Variants in CRABP1 observed in about 807,000 individuals in gnomAD.
CRABP1 encodes the protein cellular retinoic acid-binding protein 1.
Under a neutral mutation model 16.4 loss-of-function variants are expected in CRABP1, and 9 were observed. The observed-to-expected ratio is 0.55, with a 90% confidence interval of 0.33 to 0.96. The LOEUF is 0.96. Ranked by LOEUF, CRABP1 falls within the 40% of genes least tolerant of loss-of-function variation. The pLI, the probability that CRABP1 is intolerant of heterozygous loss-of-function variation, is 0.03. For synonymous variants in CRABP1, 72 were observed against 70.4 expected (o/e 1.02, Z -0.11); for missense variants, 157 against 186.0 (o/e 0.84, Z 0.91).
chr15:78,347,000 T>TG (rs2050269807), intron 3 of CRABP1, among the ~76,000 whole-genome samples: 2 of 150,542 alleles, frequency 1.3e-5, no homozygotes, highest in African/African-American at 4.9e-5. Flanking sequence ...TTTGTTTTTT[T>TG]TTTTTTTAAC....
chr15:78,341,170 C>T lies in CRABP1; in HGVS notation c.198C>T (p.Phe66=). 1 of 1,613,026 alleles carries T rather than the reference C, an allele frequency of 6.2e-7. No individual in the cohort carries two copies. The highest frequency in any genetic ancestry group is 8.5e-7 in the Non-Finnish European group (1 of 1,179,594). The change falls in exon 2 of 4, where the codon TTC becomes TTT. Residue 66 remains phenylalanine, a synonymous_variant. Transcript: ENST00000299529. The surrounding 1 kb of genome is among the most constrained non-coding windows in gnomAD (Gnocchi z 5.3). ...CGGTGCGCACCACTGAGATCAACTT[C>T]AAGGTCGGAGAAGGCTTTGAGGAGG... The part of the protein sequence containing the change: ...STTVRTTEIN[F]KVGEGFEEET...
At chr15:78,342,727 A>G (rs1595955269) in intron 2 of CRABP1, among the ~76,000 whole-genome samples, 1 of 152,198 alleles carries the variant, frequency 6.6e-6, no homozygotes, top group Non-Finnish European at 1.5e-5. Context: ...GCAGGGGTGC[A>G]CTAAATCTGA....
chr15:78,341,136 C>T lies in CRABP1; in HGVS notation c.164C>T (p.Thr55Ile). Residue 55 changes from threonine (T) to isoleucine (I), a missense_variant, in exon 2 of 4, where the codon ACA becomes ATA. Physicochemically the swap from Thr to Ile is moderately conservative, Grantham distance 89. Transcript: ENST00000299529. This position sits in a 1 kb window ranked among gnomAD's most constrained non-coding sequence, Gnocchi z 5.3. ...RQDGDQFYIK[T>I]STTVRTTEIN... Reference sequence around the variant, plus strand: ...GACGGGGATCAGTTCTACATCAAGACATCCACCACGGTGCGCACCACTGAG... The same window carrying T: ...GACGGGGATCAGTTCTACATCAAGATATCCACCACGGTGCGCACCACTGAG... 1 of 1,613,160 alleles carries T rather than the reference C, an allele frequency of 6.2e-7. No individual in the cohort carries two copies. Among genetic ancestry groups the T allele is most frequent in the East Asian group, 2.2e-5 (1 of 44,828 alleles).
intron 3 of CRABP1, among the ~76,000 whole-genome samples, chr15:78,347,226 C>G (rs1422814595): frequency 6.6e-6 from 1 of 152,088 alleles, no homozygotes; most frequent in Non-Finnish European, 1.5e-5. Context: ...CTGGAAGAGC[C>G]TTTGCGATGA....
chr15:78,346,739 C>T (rs1443293063), intron 3 of CRABP1, among the ~76,000 whole-genome samples: 1 of 152,202 alleles, frequency 6.6e-6, no homozygotes, highest in East Asian at 1.9e-4. Context: ...CCCTGAAGCA[C>T]ACGTGTCAGG....
chr15:78,344,577 T>C (rs958702402), intron 3 of CRABP1, among the ~76,000 whole-genome samples: 6 of 152,094 alleles, frequency 3.9e-5, no homozygotes, highest in African/African-American at 1.4e-4. Flanking sequence ...CTCCCCTTTT[T>C]TTAGGTAGAG....
chr15:78,341,310 C>G lies in CRABP1; in HGVS notation c.249+89C>G, dbSNP rs2050233003. ...CTGGAGGAACCTGTGTCTCCCTTTGCAGCCTGTGGCGCGCCTTCCTTGCAG... is the reference window on the plus strand; with the variant it reads ...CTGGAGGAACCTGTGTCTCCCTTTGGAGCCTGTGGCGCGCCTTCCTTGCAG... On this transcript the variant is annotated intron_variant, in intron 2 of 3. Coordinates refer to ENST00000299529, the MANE Select transcript of CRABP1 (RefSeq NM_004378.3). This position sits in a 1 kb window ranked among gnomAD's most constrained non-coding sequence, Gnocchi z 5.3. The G allele has an allele frequency of 1.4e-6, 2 of 1,452,932 alleles. No individual in the cohort carries two copies. The highest frequency in any genetic ancestry group is 9.5e-7 in the Non-Finnish European group (1 of 1,056,478). The allele number at this position is 1,452,932 out of a possible 1,614,324, so 90.0% of individuals were successfully genotyped here. A position where few individuals can be genotyped will look rare whatever the true frequency, so the allele number is the denominator to read the frequency against.
chr15:78,346,646 G>C (rs2050267186), intron 3 of CRABP1, among the ~76,000 whole-genome samples: 1 of 152,194 alleles, frequency 6.6e-6, no homozygotes, highest in Non-Finnish European at 1.5e-5. Flanking sequence ...TCCAGCCTGG[G>C]TGACAGAGTA....
chr15:78,341,294 C>T lies in CRABP1; in HGVS notation c.249+73C>T. On this transcript the variant is annotated intron_variant, in intron 2 of 3. Coordinates refer to ENST00000299529, the MANE Select transcript of CRABP1 (RefSeq NM_004378.3). The surrounding 1 kb of genome is among the most constrained non-coding windows in gnomAD (Gnocchi z 5.3). ...CCATGGCCCACTGCTGCTGGAGGAA[C>T]CTGTGTCTCCCTTTGCAGCCTGTGG... The T allele has an allele frequency of 6.6e-7, 1 of 1,515,636 alleles. No individual in the cohort carries two copies. The highest frequency in any genetic ancestry group is 1.2e-5 in the South Asian group (1 of 83,756). The allele number at this position is 1,515,636 out of a possible 1,614,324, so 93.9% of individuals were successfully genotyped here. A position where few individuals can be genotyped will look rare whatever the true frequency, so the allele number is the denominator to read the frequency against.
At chr15:78,346,639 A>G (rs2050267122) in intron 3 of CRABP1, among the ~76,000 whole-genome samples, 1 of 152,234 alleles carries the variant, frequency 6.6e-6, no homozygotes, top group Admixed American at 6.5e-5. Context: ...ATTGCACTCC[A>G]GCCTGGGTGA....
intron 1 of CRABP1, chr15:78,340,789 G>A: frequency 3.3e-6 from 2 of 601,406 alleles, no homozygotes; most frequent in Non-Finnish European, 5.9e-6. Context: ...TGGAGAGCAA[G>A]GAGGATCAGG....
chr15:78,343,674 C>A, intron 3 of CRABP1, 62 bp downstream of exon 3: 1 of 1,261,106 alleles, frequency 7.9e-7, no homozygotes, highest in East Asian at 2.4e-5. Context: ...CCAGATGGGC[C>A]CCACAAATAT....
At position 78,340,357 on chromosome 15, in the gene CRABP1, T is replaced by G; in HGVS notation, c.-72T>G. 2 of 1,527,392 alleles carry G rather than the reference T, an allele frequency of 1.3e-6. No homozygotes were observed. The highest frequency in any genetic ancestry group is 1.8e-6 in the Non-Finnish European group (2 of 1,131,530). 94.6% of individuals were successfully genotyped at this position (1,527,392 alleles called of 1,614,324 possible). On this transcript the variant is annotated 5_prime_UTR_variant, in exon 1 of 4. Coordinates refer to ENST00000299529, the MANE Select transcript of CRABP1 (RefSeq NM_004378.3). ...CAGCGCTGGGCGCAAAGCGCCAGTC[T>G]CCGCCTTGCGAGCTCAGAGTGTGCC... is the stretch of plus-strand genomic sequence containing the variant.
intron 2 of CRABP1, among the ~76,000 whole-genome samples, chr15:78,342,275 G>C (rs1388325417): frequency 6.6e-6 from 1 of 152,102 alleles, no homozygotes; most frequent in Admixed American, 6.5e-5. Context: ...GGACAGCATA[G>C]AGTGAAGGGC....
Position 78,340,433 on chromosome 15 carries a change from C to T in CRABP1, c.5C>T (p.Pro2Leu). The T allele has an allele frequency of 6.3e-7, 1 of 1,598,416 alleles. No individual in the cohort carries two copies. The highest frequency in any genetic ancestry group is 8.5e-7 in the Non-Finnish European group (1 of 1,174,222). ...GCCGCCGCCGCCACCGCCACCATGC[C>T]CAACTTCGCCGGCACCTGGAAGATG... Reference protein sequence around the residue: MPNFAGTWKMRS... With the variant: MLNFAGTWKMRS... The change falls in exon 1 of 4, where the codon CCC becomes CTC. Residue 2 changes from proline (P) to leucine (L), a missense_variant. By Grantham distance (98) the Pro-to-Leu change is moderately conservative (BLOSUM62 -3). Coordinates refer to ENST00000299529, the MANE Select transcript of CRABP1 (RefSeq NM_004378.3).
At chr15:78,343,079 C>T (rs549610173) in intron 2 of CRABP1, among the ~76,000 whole-genome samples, 17 of 151,760 alleles carry the variant, frequency 1.1e-4, no homozygotes, top group African/African-American at 3.9e-4. Context: ...TGTGCCACTG[C>T]ACTCCAGCCT....
At position 78,341,262 on chromosome 15, in the gene CRABP1, T is replaced by C; in HGVS notation, c.249+41T>C. The C allele has an allele frequency of 6.3e-7, 1 of 1,577,468 alleles. No homozygotes were observed. The highest frequency in any genetic ancestry group is 8.6e-7 in the Non-Finnish European group (1 of 1,161,280). On this transcript the variant is annotated intron_variant, in intron 2 of 3. Transcript: ENST00000299529. This position sits in a 1 kb window ranked among gnomAD's most constrained non-coding sequence, Gnocchi z 5.3. ...CACTACAGCGTCCCCGTGTCCCCGC[T>C]CGGTGCCCATGGCCCACTGCTGCTG...
At chr15:78,342,768 C>T (rs1318797752) in intron 2 of CRABP1, among the ~76,000 whole-genome samples, 1 of 152,130 alleles carries the variant, frequency 6.6e-6, no homozygotes, top group East Asian at 1.9e-4. Context: ...CGTTCCTATC[C>T]CAAAATCCAT....
intron 3 of CRABP1, 70 bp from the exon 4 acceptor site, chr15:78,347,857 A>T: frequency 7.0e-7 from 1 of 1,425,378 alleles, no homozygotes; most frequent in Non-Finnish European, 9.9e-7. Context: ...TGGCCTTATT[A>T]GTGATATGCT....
Sources: gnomAD v4.1 joint callset for allele counts (sites outside exome capture counted in the v4.1 genomes callset) on GRCh38, gnomAD v4.1.1 for gene constraint, Gnocchi (gnomAD v3.1) non-coding constraint, MANE v1.5 for transcripts, NCBI Gene and HGNC (gene_info 2026-07-23, HGNC 2026-07-21) for gene names.